The following ALK variants were observed in gnomAD, a reference collection of about 807,000 sequenced individuals.
ALK encodes ALK tyrosine kinase receptor.
Under a neutral mutation model 163.1 loss-of-function variants are expected in ALK, and 74 were observed. That is an observed-to-expected ratio of 0.45 (90% CI 0.38 to 0.55). The LOEUF (loss-of-function observed/expected upper bound fraction) is 0.55, where lower values mean the gene tolerates loss of function less well. Among genes scored for constraint, ALK ranks in the 20% least tolerant of loss-of-function variants. ALK has a pLI of 0.00. For missense variants in ALK, 2,063 were observed against 2,105.3 expected (o/e 0.98, Z 0.39); for synonymous variants, 960 against 843.2 (o/e 1.14, Z -2.40).
chr2:29,563,527 T>G (rs545540394), intron 3 of ALK, among the ~76,000 whole-genome samples: 1 of 152,326 alleles, frequency 6.6e-6, no homozygotes, highest in Non-Finnish European at 1.5e-5. Context: ...TAGACAGACA[T>G]GGCAGAGGCT....
chr2:29,512,878 T>G (rs1489234604), intron 4 of ALK, among the ~76,000 whole-genome samples: 2 of 147,938 alleles, frequency 1.4e-5, no homozygotes, highest in East Asian at 2.0e-4. Flanking sequence ...AGCCAAATCA[T>G]GAGTGAACTC....
At chr2:29,635,754 C>A (rs1357029796) in intron 3 of ALK, among the ~76,000 whole-genome samples, 1 of 149,656 alleles carries the variant, frequency 6.7e-6, no homozygotes, top group Non-Finnish European at 1.5e-5. Context: ...AAATATGCAC[C>A]ACCATGCCTG....
intron 1 of ALK, among the ~76,000 whole-genome samples, chr2:29,887,044 T>G (rs1231296781): frequency 6.6e-6 from 1 of 152,234 alleles, no homozygotes; most frequent in Non-Finnish European, 1.5e-5. Flanking sequence ...TTTTGTCCAG[T>G]GCTTTCACAT....
intron 4 of ALK, among the ~76,000 whole-genome samples, chr2:29,480,678 A>G (rs770425921): frequency 6.6e-6 from 1 of 150,626 alleles, no homozygotes; most frequent in Non-Finnish European, 1.5e-5. Context: ...AGACGCAGGG[A>G]GGAAAGCAGA....
At chr2:29,311,604 A>G (rs1666695546) in intron 8 of ALK, among the ~76,000 whole-genome samples, 2 of 152,204 alleles carry the variant, frequency 1.3e-5, no homozygotes, top group African/African-American at 4.8e-5. Context: ...CCGTGTCACC[A>G]GACTTCCTCC....
intron 1 of ALK, among the ~76,000 whole-genome samples, chr2:29,745,926 G>C (rs1305780035): frequency 6.6e-6 from 1 of 152,150 alleles, no homozygotes; most frequent in African/African-American, 2.4e-5. Context: ...AGAATGCTAG[G>C]ACCACAGGTC....
At chr2:29,791,889 A>G (rs1013547537) in intron 1 of ALK, among the ~76,000 whole-genome samples, 45 of 152,190 alleles carry the variant, frequency 3.0e-4, no homozygotes, top group African/African-American at 1.1e-3. Context: ...GATTTTCTCT[A>G]AACAATCGGG....
chr2:29,876,991 C>T (rs1666740688), intron 1 of ALK, among the ~76,000 whole-genome samples: 1 of 152,098 alleles, frequency 6.6e-6, no homozygotes, highest in Non-Finnish European at 1.5e-5. Context: ...AATATCTAAC[C>T]TCCCAGGACT....
chr2:29,414,112 C>T (rs1204961687), intron 4 of ALK, among the ~76,000 whole-genome samples: 1 of 152,188 alleles, frequency 6.6e-6, no homozygotes, highest in Non-Finnish European at 1.5e-5. Flanking sequence ...AGGATGGCTA[C>T]AACGGCACTA....
intron 3 of ALK, among the ~76,000 whole-genome samples, chr2:29,665,003 C>CTTTTTTTTTT (rs35885544): frequency 1.5e-5 from 2 of 133,794 alleles, no homozygotes; most frequent in African/African-American, 2.9e-5. Context: ...TTCTTTTTTT[C>CTTTTTTTTTT]TTTTTTTTTT....
intron 1 of ALK, among the ~76,000 whole-genome samples, chr2:29,898,334 G>A (rs1211472168): frequency 6.6e-6 from 1 of 152,244 alleles, no homozygotes; most frequent in Non-Finnish European, 1.5e-5. Flanking sequence ...GATTAAGGGA[G>A]AGTACCCAAC....
intron 9 of ALK, among the ~76,000 whole-genome samples, chr2:29,287,504 T>C (rs932512747): frequency 6.6e-6 from 1 of 152,244 alleles, no homozygotes; most frequent in East Asian, 1.9e-4. Context: ...CACAGTATGA[T>C]ATTACAGGTA....
intron 1 of ALK, among the ~76,000 whole-genome samples, chr2:29,892,011 G>T (rs1035151010): frequency 3.9e-5 from 6 of 152,182 alleles, no homozygotes; most frequent in African/African-American, 1.2e-4. Flanking sequence ...GTACAACCAT[G>T]GTCCTAACCA....
At chr2:29,548,233 G>A (rs542331880) in intron 3 of ALK, among the ~76,000 whole-genome samples, 25 of 152,270 alleles carry the variant, frequency 1.6e-4, no homozygotes, top group Non-Finnish European at 3.2e-4. Context: ...CAGCACTTTG[G>A]GAGGCCAAGG....
chr2:29,750,620 G>A (rs1334843005), intron 1 of ALK, among the ~76,000 whole-genome samples: 3 of 140,212 alleles, frequency 2.1e-5, no homozygotes, highest in African/African-American at 8.0e-5. Context: ...GGAGTGTAAC[G>A]GAACAGAATG....
In ALK at chr2:29,275,223, G is replaced by A. The variant is rs56249474; in HGVS notation, c.1917C>T (p.Ser639=). 30 of 1,614,042 alleles carry A rather than the reference G, an allele frequency of 1.9e-5. No individual in the cohort carries two copies. The East Asian group carries it at 2.0e-4, about 11-fold the overall frequency. Residue 639 remains serine (S), a synonymous_variant, in exon 11 of 29, where the codon AGC becomes AGT. Transcript: ENST00000389048. ...SISLDCYLTI[S]GEDKILQNTA... ...TATTCTGCAGGATCTTGTCCTCTCC[G>A]CTAACTGCAATAGAGAAGACCCCAC...
chr2:29,485,544 G>A (rs1671758030), intron 4 of ALK, among the ~76,000 whole-genome samples: 1 of 152,128 alleles, frequency 6.6e-6, no homozygotes, highest in South Asian at 2.1e-4. Flanking sequence ...TATTCAGACT[G>A]GTATAAAAAT....
chr2:29,656,175 T>C (rs1052219828), intron 3 of ALK, among the ~76,000 whole-genome samples: 1 of 152,136 alleles, frequency 6.6e-6, no homozygotes, highest in African/African-American at 2.4e-5. Context: ...ATGTAAATTT[T>C]TACATTAAAT....
chr2:29,905,705 T>C (rs1402413139), intron 1 of ALK, among the ~76,000 whole-genome samples: 1 of 152,002 alleles, frequency 6.6e-6, no homozygotes, highest in African/African-American at 2.4e-5. Context: ...CAGTGAAGCA[T>C]TCTATTTAGT....
Sources: gnomAD v4.1 joint callset for allele counts (sites outside exome capture counted in the v4.1 genomes callset) on GRCh38, gnomAD v4.1.1 for gene constraint, MANE v1.5 for transcripts, NCBI Gene and HGNC (gene_info 2026-07-23, HGNC 2026-07-21) for gene names.